The following FGF12 variants were observed in gnomAD, a reference collection of about 807,000 sequenced individuals.
The protein encoded by FGF12 is fibroblast growth factor 12, also known as fibroblast growth factor 12B.
Under a neutral mutation model 23.6 loss-of-function variants are expected in FGF12, and 14 were observed. The ratio of observed to expected loss-of-function variants is 0.59; its 90% CI spans 0.39 to 0.93. The LOEUF is 0.93. Ranked by LOEUF, FGF12 falls within the 40% of genes least tolerant of loss-of-function variation. FGF12 has a pLI of 0.00. For missense variants in FGF12, 175 were observed against 217.8 expected, an observed-to-expected ratio of 0.80 and a Z score of 1.24; for synonymous variants, 62 against 77.3, an observed-to-expected ratio of 0.80 and a Z score of 1.04.
At chr3:192,211,094 C>A (rs909804557) in intron 4 of FGF12, among the ~76,000 whole-genome samples, 17 of 152,138 alleles carry the variant, frequency 1.1e-4, no homozygotes, top group African/African-American at 2.9e-4. Flanking sequence ...GGATTCCCAC[C>A]ACTAAGGAGG....
intron 2 of FGF12, among the ~76,000 whole-genome samples, chr3:192,614,334 G>A (rs963675309): frequency 1.1e-4 from 16 of 151,658 alleles, no homozygotes; most frequent in African/African-American, 3.1e-4. Context: ...ACATCTAGAC[G>A]AAAGTGAAGA....
At chr3:192,530,820 TA>T (rs1725067783) in intron 2 of FGF12, among the ~76,000 whole-genome samples, 1 of 150,106 alleles carries the variant, frequency 6.7e-6, no homozygotes, top group Non-Finnish European at 1.5e-5. Context: ...AATTGCATTT[TA>T]ATTTTTTTTT....
Position 192,163,599 on chromosome 3 carries a change from G to A in FGF12, c.427+6859C>T, listed in dbSNP as rs565757351. Among the ~76,000 whole-genome samples the A allele has an allele frequency of 4.6e-5, 7 of 152,204 alleles. No homozygotes were observed. In the East Asian group the frequency reaches 9.6e-4, roughly 21 times the overall value. ...TGCCATCAGAAATCCCCTGGACAGC[G>A]TTTTAAACCTATAGAGTCCTAGGTC... On this transcript the variant is annotated intron_variant, in intron 5 of 5. Coordinates refer to ENST00000445105, the MANE Select transcript of FGF12 (RefSeq NM_004113.6).
chr3:192,608,348 G>A (rs1320892808), intron 2 of FGF12, among the ~76,000 whole-genome samples: 1 of 152,038 alleles, frequency 6.6e-6, no homozygotes, highest in Non-Finnish European at 1.5e-5. Context: ...TGAGGTGATG[G>A]ATATTCCATT....
intron 2 of FGF12, among the ~76,000 whole-genome samples, chr3:192,603,488 C>G (rs186549960): frequency 3.9e-5 from 6 of 152,008 alleles, no homozygotes; most frequent in Admixed American, 2.0e-4. Context: ...GGAACCTGCC[C>G]CCAATATTTC....
At chr3:192,300,280 G>A (rs1406864780) in intron 4 of FGF12, among the ~76,000 whole-genome samples, 2 of 152,176 alleles carry the variant, frequency 1.3e-5, no homozygotes, top group African/African-American at 4.8e-5. Flanking sequence ...TTAAATATCA[G>A]TAAATGATGG....
rs1201549970 is a variant in FGF12, at chr3:192,455,102, G to T, written c.14-94564C>A. Among the ~76,000 whole-genome samples the T allele has an allele frequency of 2.6e-5, 4 of 152,030 alleles. 1 individual carries two copies. Among genetic ancestry groups the T allele is most frequent in the African/African-American group, 9.7e-5 (4 of 41,394 alleles). ...TCAAAGCTAAGCCATAAGACTTATT[G>T]CTTGGAAAAGAGTGGGCAATTACTT... On this transcript the variant is annotated intron_variant, in intron 2 of 5. Coordinates refer to ENST00000445105, the MANE Select transcript of FGF12 (RefSeq NM_004113.6).
At position 192,674,117 on chromosome 3, in the gene FGF12, T is replaced by C. The variant is rs530251924; in HGVS notation, c.13+53064A>G. On this transcript the variant is annotated intron_variant, in intron 2 of 5. Coordinates refer to ENST00000445105, the MANE Select transcript of FGF12 (RefSeq NM_004113.6). ...ATTTACATTCATACTCAGGATTTTT[T>C]TGTGCCCTATCTCATGTAATCCCTA... Among the ~76,000 whole-genome samples, 386 of 151,142 alleles carry C rather than the reference T, an allele frequency of 2.6e-3. 9 individuals are homozygous for C. The highest frequency in any genetic ancestry group is 8.7e-3 in the African/African-American group (360 of 41,478).
intron 2 of FGF12, among the ~76,000 whole-genome samples, chr3:192,602,725 A>T: frequency 6.7e-6 from 1 of 149,710 alleles, no homozygotes; most frequent in Non-Finnish European, 1.5e-5. Flanking sequence ...AAAGGCCCAA[A>T]AAAAAAAAAA....
At chr3:192,403,354 C>T (rs967238436) in intron 2 of FGF12, among the ~76,000 whole-genome samples, 3 of 152,080 alleles carry the variant, frequency 2.0e-5, no homozygotes, top group African/African-American at 7.2e-5. Context: ...TCTCGAGTTA[C>T]GTCTTGATGA....
intron 5 of FGF12, among the ~76,000 whole-genome samples, chr3:192,163,504 C>T (rs532314719): frequency 7.5e-4 from 114 of 152,212 alleles, no homozygotes; most frequent in African/African-American, 2.7e-3. Context: ...AAATTTAAAT[C>T]ATCCATGGCC....
chr3:192,164,799 C>T (rs1715068185), intron 5 of FGF12, among the ~76,000 whole-genome samples: 1 of 152,096 alleles, frequency 6.6e-6, no homozygotes. Flanking sequence ...ACATTACAAA[C>T]AAAATAGTCA....
intron 2 of FGF12, among the ~76,000 whole-genome samples, chr3:192,536,083 A>G (rs1725215968): frequency 6.6e-6 from 1 of 152,182 alleles, no homozygotes; most frequent in Non-Finnish European, 1.5e-5. Flanking sequence ...ATTACTCTAC[A>G]CGGCTATTTC....
intron 4 of FGF12, among the ~76,000 whole-genome samples, chr3:192,291,524 A>G (rs1164201292): frequency 3.3e-5 from 5 of 152,126 alleles, no homozygotes; most frequent in African/African-American, 1.2e-4. Flanking sequence ...TCGAGGTTGC[A>G]GTGAGCCAAG....
chr3:192,500,476 T>A (rs1387610050), intron 2 of FGF12, among the ~76,000 whole-genome samples: 1 of 151,950 alleles, frequency 6.6e-6, no homozygotes, highest in Admixed American at 6.5e-5. Context: ...AGTCAGGCAA[T>A]TTCTCAGCAG....
At chr3:192,300,740 T>C (rs1433740901) in intron 4 of FGF12, among the ~76,000 whole-genome samples, 2 of 152,154 alleles carry the variant, frequency 1.3e-5, no homozygotes, top group Non-Finnish European at 2.9e-5. Flanking sequence ...AAGGCTCACC[T>C]GGCGCAGTGG....
intron 2 of FGF12, among the ~76,000 whole-genome samples, chr3:192,596,230 T>A (rs1374399040): frequency 6.6e-6 from 1 of 151,586 alleles, no homozygotes; most frequent in African/African-American, 2.4e-5. Context: ...CTGATGATAT[T>A]GAAAACAATG....
rs928248286 is a variant in FGF12, at chr3:192,158,439, T to C, written c.427+12019A>G. ...TCTCTTTCTTTTTCTTTTTTCTTTCTTTCTTTCTTCTTTTTTCTTGCTTTC... is the reference window on the plus strand; with the variant it reads ...TCTCTTTCTTTTTCTTTTTTCTTTCCTTCTTTCTTCTTTTTTCTTGCTTTC... On this transcript the variant is annotated intron_variant, in intron 5 of 5. Coordinates refer to ENST00000445105, the MANE Select transcript of FGF12 (RefSeq NM_004113.6). Among the ~76,000 whole-genome samples the C allele has an allele frequency of 1.3e-4, 19 of 144,382 alleles. 1 individual carries two copies. The South Asian group carries it at 4.3e-3, about 32-fold the overall frequency. 94.7% of individuals were successfully genotyped at this position (144,382 alleles called of 152,430 possible).
At chr3:192,332,276 T>G (rs902538374) in intron 4 of FGF12, among the ~76,000 whole-genome samples, 6 of 152,008 alleles carry the variant, frequency 3.9e-5, no homozygotes, top group Non-Finnish European at 7.4e-5. Context: ...TATGTCGTGA[T>G]TTATGTATGA....
Sources: allele counts gnomAD v4.1 joint callset (sites outside exome capture counted in the v4.1 genomes callset), GRCh38; gene constraint gnomAD v4.1.1; transcripts MANE v1.5; gene names NCBI Gene and HGNC (gene_info 2026-07-23, HGNC 2026-07-21).